Variants in ROBO2 observed in about 807,000 individuals in gnomAD.
ROBO2 encodes the protein roundabout guidance receptor 2, also known as roundabout homolog 2.
Under a neutral mutation model 160.8 loss-of-function variants are expected in ROBO2, and 53 were observed. The ratio of observed to expected loss-of-function variants is 0.33; its 90% CI spans 0.26 to 0.41. ROBO2 has a LOEUF of 0.41. Among genes scored for constraint, ROBO2 ranks in the 10% least tolerant of loss-of-function variants. The pLI, the probability that ROBO2 is intolerant of heterozygous loss-of-function variation, is 1.00. For missense variants in ROBO2, 1,577 were observed against 1,722.4 expected (o/e 0.92, Z 1.49); for synonymous variants, 664 against 611.7 (o/e 1.09, Z -1.26).
At chr3:77,203,046 G>C (rs930487277) in intron 2 of ROBO2, among the ~76,000 whole-genome samples, 11 of 152,190 alleles carry the variant, frequency 7.2e-5, no homozygotes, top group African/African-American at 2.4e-4. Flanking sequence ...TCAATATCAA[G>C]TCATGGTGTA....
intron 2 of ROBO2, among the ~76,000 whole-genome samples, chr3:76,889,543 A>G (rs928658668): frequency 6.6e-6 from 1 of 152,214 alleles, no homozygotes; most frequent in Non-Finnish European, 1.5e-5. Context: ...AATAAATTCA[A>G]TAGCTCCATT....
intron 2 of ROBO2, among the ~76,000 whole-genome samples, chr3:76,937,407 A>G (rs2077778441): frequency 6.6e-6 from 1 of 152,044 alleles, no homozygotes. Context: ...GTATCCTTCT[A>G]GTTATTTACC....
At chr3:77,562,550 A>G (rs577276486) in intron 9 of ROBO2, 101 bp from the exon 11 acceptor site, 3 of 774,298 alleles carry the variant, frequency 3.9e-6, no homozygotes, top group East Asian at 5.5e-5. Flanking sequence ...ACAAAATGAT[A>G]CATCTAATTT....
At chr3:76,236,753 G>A (rs1253155259) in intron 2 of ROBO2, among the ~76,000 whole-genome samples, 1 of 151,894 alleles carries the variant, frequency 6.6e-6, no homozygotes, top group African/African-American at 2.4e-5. Flanking sequence ...ACATGATTAG[G>A]TTTTCTGAAT....
At chr3:76,687,489 A>G (rs949780685) in intron 2 of ROBO2, among the ~76,000 whole-genome samples, 2 of 152,100 alleles carry the variant, frequency 1.3e-5, no homozygotes, top group African/African-American at 2.4e-5. Context: ...TCACATGATC[A>G]AAAAGAAAGA....
chr3:76,940,242 A>G (rs1373432225), intron 2 of ROBO2, among the ~76,000 whole-genome samples: 1 of 152,156 alleles, frequency 6.6e-6, no homozygotes, highest in Non-Finnish European at 1.5e-5. Context: ...TCGGCCTCCC[A>G]AAATGCTGGG....
At chr3:77,003,187 C>T (rs1053170437) in intron 2 of ROBO2, among the ~76,000 whole-genome samples, 1 of 152,132 alleles carries the variant, frequency 6.6e-6, no homozygotes, top group African/African-American at 2.4e-5. Flanking sequence ...CAATAACCTT[C>T]ATGAAATAAG....
At chr3:76,234,746 AT>A (rs1284964539) in intron 2 of ROBO2, among the ~76,000 whole-genome samples, 1 of 152,180 alleles carries the variant, frequency 6.6e-6, no homozygotes, top group African/African-American at 2.4e-5. Context: ...TACCAGTAAA[AT>A]TTGTCCTGCT....
chr3:76,582,844 T>A (rs1578311771), intron 2 of ROBO2, among the ~76,000 whole-genome samples: 1 of 152,274 alleles, frequency 6.6e-6, no homozygotes, highest in Non-Finnish European at 1.5e-5. Flanking sequence ...CTAGCAACTT[T>A]TCCTAACATG....
chr3:76,787,127 C>T (rs535604393), intron 2 of ROBO2, among the ~76,000 whole-genome samples: 1 of 151,022 alleles, frequency 6.6e-6, no homozygotes, highest in Admixed American at 6.6e-5. Context: ...CTCTCATGAT[C>T]CAGTCACCTC....
intron 2 of ROBO2, among the ~76,000 whole-genome samples, chr3:76,957,841 A>C (rs2079385810): frequency 6.6e-6 from 1 of 152,090 alleles, no homozygotes; most frequent in African/African-American, 2.4e-5. Context: ...AAAAAAAAAA[A>C]AAAAGTGATA....
intron 2 of ROBO2, among the ~76,000 whole-genome samples, chr3:76,927,357 A>G (rs2077050125): frequency 6.6e-6 from 1 of 152,202 alleles, no homozygotes; most frequent in African/African-American, 2.4e-5. Flanking sequence ...GATTCTTCCA[A>G]ACTTCTAAGG....
exon 1 of ROBO2, chr3:77,040,064 C>A: frequency 2.0e-6 from 1 of 504,904 alleles, no homozygotes; most frequent in Non-Finnish European, 2.6e-6. Context: ...CCCTCCCTCC[C>A]TCCCTCCCTC....
At chr3:76,644,184 G>C (rs13083174) in intron 2 of ROBO2, among the ~76,000 whole-genome samples, 26,033 of 152,042 alleles carry the variant, frequency 0.17, 2,384 homozygotes, top group Non-Finnish European at 0.2. Context: ...GCTTACCAAG[G>C]CTGCAGTAGC....
At position 76,969,302 on chromosome 3, in the gene ROBO2, G is replaced by A. The variant is rs147830911; in HGVS notation, c.110-128712G>A. Among the ~76,000 whole-genome samples the A allele has an allele frequency of 8.4e-3, 1,278 of 152,154 alleles. 10 individuals carry two copies. Among genetic ancestry groups the A allele is most frequent in the African/African-American group, 0.029 (1,199 of 41,536 alleles). ...ATTTAATGACTAATTGAAATACCAG[G>A]CCCCTTTTGTGTGACTATGGCTTCT... On this transcript the variant is annotated intron_variant, in intron 2 of 26. Transcript: ENST00000487694.
chr3:77,385,283 C>T (rs2073982753), intron 2 of ROBO2, among the ~76,000 whole-genome samples: 1 of 152,204 alleles, frequency 6.6e-6, no homozygotes, highest in Non-Finnish European at 1.5e-5. Context: ...CCCACCTCGG[C>T]TTCCCAAAGT....
At chr3:77,499,749 A>G (rs2087296961) in intron 5 of ROBO2, among the ~76,000 whole-genome samples, 1 of 151,086 alleles carries the variant, frequency 6.6e-6, no homozygotes, top group South Asian at 2.1e-4. Flanking sequence ...CCCGGGTTCA[A>G]GTGATTCTCC....
chr3:77,583,515 G>A lies in ROBO2; in HGVS notation c.2500+3397G>A, dbSNP rs151276763. Among the ~76,000 whole-genome samples the A allele has an allele frequency of 4.5e-4, 68 of 152,022 alleles. 1 individual carries two copies. The highest frequency in any genetic ancestry group is 8.1e-4 in the Non-Finnish European group (55 of 67,968). On this transcript the variant is annotated intron_variant, in intron 16 of 25. Coordinates refer to ENST00000461745, the Ensembl canonical transcript of ROBO2. The stretch of plus-strand genomic sequence containing the variant: ...CTTTCCTGTTCTATAACTTCCATTT[G>A]CTTTCTTTTACACTTTTCATTTCCC...
Position 76,249,214 on chromosome 3 carries a change from A to G in ROBO2, c.109+311612A>G, listed in dbSNP as rs145162397. On this transcript the variant is annotated intron_variant, in intron 2 of 26. Coordinates refer to the ROBO2 transcript ENST00000487694. ...TAAATGAGTTAAAACTTAGTGTAGT[A>G]AGAAAGAACATCACCACCACACAGT... is the stretch of plus-strand genomic sequence containing the variant. 2.2e-3 allele frequency among the ~76,000 whole-genome samples: 332 copies of G among 152,228 alleles called. 1 individual carries two copies. The highest frequency in any genetic ancestry group is 7.2e-3 in the African/African-American group (300 of 41,570).
Sources: allele counts gnomAD v4.1 joint callset (sites outside exome capture counted in the v4.1 genomes callset), GRCh38; gene constraint gnomAD v4.1.1; transcripts MANE v1.5; gene names NCBI Gene and HGNC (gene_info 2026-07-23, HGNC 2026-07-21).